AP2B1: variants seen among roughly 807,000 people sequenced by gnomAD.
AP2B1 encodes AP-2 complex subunit beta.
Under a neutral mutation model 102.0 loss-of-function variants are expected in AP2B1, and 23 were observed. The observed-to-expected ratio is 0.23, with a 90% confidence interval of 0.16 to 0.32. AP2B1 has a LOEUF of 0.32. Ranked by LOEUF, AP2B1 falls within the 10% of genes least tolerant of loss-of-function variation. The pLI is 1.00. For synonymous variants in AP2B1, 381 were observed against 421.2 expected (o/e 0.90, Z 1.17); for missense variants, 541 against 1,157.4 (o/e 0.47, Z 7.73).
chr17:35,671,390 GTT>G (rs1320929358), intron 15 of AP2B1, among the ~76,000 whole-genome samples: 42 of 152,286 alleles, frequency 2.8e-4, no homozygotes, highest in African/African-American at 9.6e-4. Flanking sequence ...TGCTGTTTAA[GTT>G]GGATACTTCT....
chr17:35,663,103 A>G (rs1055237359), intron 14 of AP2B1, among the ~76,000 whole-genome samples: 4 of 152,206 alleles, frequency 2.6e-5, no homozygotes, highest in African/African-American at 9.6e-5. Flanking sequence ...TCCATCATCT[A>G]TACTAGTTTT....
chr17:35,627,808 GTTTATC>G, intron 9 of AP2B1, 82 bp downstream of exon 9: 1 of 1,200,238 alleles, frequency 8.3e-7, no homozygotes, highest in Non-Finnish European at 1.2e-6. Flanking sequence ...TAATTTTTAA[GTTTATC>G]AAAATAATAA....
intron 5 of AP2B1, among the ~76,000 whole-genome samples, chr17:35,615,985 T>C (rs1038379347): frequency 5.9e-5 from 9 of 152,158 alleles, no homozygotes; most frequent in African/African-American, 2.2e-4. Context: ...CACCAGTTGG[T>C]CTGAGTGTAT....
rs540065169 is a variant in AP2B1 at position 35,625,834 on chromosome 17, A to G, written c.717-787A>G. The stretch of plus-strand genomic sequence containing the variant: ...CTCACTGAGAAGGTGGCATTCATAT[A>G]AAGACCCAAAGGAAGTCAGGAATAG... On this transcript the variant is annotated intron_variant, in intron 6 of 21. Coordinates refer to ENST00000610402, the MANE Select transcript of AP2B1 (RefSeq NM_001030006.2). Among the ~76,000 whole-genome samples the G allele has an allele frequency of 9.9e-5, 15 of 152,274 alleles. No individual in the cohort carries two copies. In the South Asian group the frequency reaches 2.3e-3, roughly 23 times the overall value.
At chr17:35,621,695 A>G (rs1405682798) in intron 5 of AP2B1, among the ~76,000 whole-genome samples, 1 of 152,206 alleles carries the variant, frequency 6.6e-6, no homozygotes, top group African/African-American at 2.4e-5. Context: ...CATTAGGTGC[A>G]TTATACACTT....
intron 12 of AP2B1, among the ~76,000 whole-genome samples, chr17:35,645,990 A>G (rs758819831): frequency 4.6e-5 from 7 of 152,242 alleles, no homozygotes; most frequent in Non-Finnish European, 1.0e-4. Context: ...TGCTTGTTAA[A>G]AATACTAATT....
At position 35,710,288 on chromosome 17, in the gene AP2B1, A is replaced by G; in HGVS notation, c.2594A>G (p.Gln865Arg). 5.0e-6 allele frequency: 8 copies of G among 1,613,554 alleles called. No individual in the cohort carries two copies. The highest frequency in any genetic ancestry group is 6.8e-6 in the Non-Finnish European group (8 of 1,179,486). The change falls in exon 20 of 22, where the codon CAG becomes CGG. Residue 865 changes from glutamine (Q) to arginine (R), a missense_variant. Physicochemically the swap from Gln to Arg is conservative, Grantham distance 43. This residue lies in a region of AP2B1 where 117 missense variants were observed against 206.7 expected (regional missense o/e 0.57). Coordinates refer to ENST00000610402, the MANE Select transcript of AP2B1 (RefSeq NM_001030006.2). ...WKDIPNENEL[Q>R]FQIKECHLNA... is the part of the protein sequence containing the mutation. ...GATATTCCCAATGAAAATGAACTTC[A>G]GTTTCAGATTAAGGAATGTCATTTA... is the stretch of plus-strand genomic sequence containing the variant.
intron 5 of AP2B1, among the ~76,000 whole-genome samples, chr17:35,623,548 G>A (rs150247159): frequency 1.4e-4 from 22 of 152,222 alleles, no homozygotes; most frequent in Non-Finnish European, 2.9e-4. Flanking sequence ...GGATACATTT[G>A]AAATACTGTA....
chr17:35,657,534 C>T (rs2075260392), intron 13 of AP2B1, 65 bp from the exon 14 acceptor site: 11 of 1,344,568 alleles, frequency 8.2e-6, no homozygotes, highest in South Asian at 6.9e-5. Context: ...ACTGTTGTTG[C>T]GATGTTATGT....
At chr17:35,600,901 G>A (rs545275047) in intron 3 of AP2B1, 2 of 631,750 alleles carry the variant, frequency 3.2e-6, no homozygotes, top group South Asian at 1.4e-4. Flanking sequence ...AGAAATGGCA[G>A]CGTAGGAAAT....
chr17:35,610,246 G>A (rs964407203), intron 5 of AP2B1, among the ~76,000 whole-genome samples: 2 of 151,856 alleles, frequency 1.3e-5, no homozygotes, highest in African/African-American at 4.8e-5. Flanking sequence ...CTGGGTTCAA[G>A]CGATTCTCCT....
intron 5 of AP2B1, among the ~76,000 whole-genome samples, chr17:35,619,164 A>G (rs1339454467): frequency 6.6e-6 from 1 of 152,200 alleles, no homozygotes; most frequent in Non-Finnish European, 1.5e-5. Context: ...TAAGCAAGTC[A>G]CTGAACTTCT....
intron 18 of AP2B1, among the ~76,000 whole-genome samples, chr17:35,697,869 G>C (rs1342677914): frequency 6.6e-6 from 1 of 152,188 alleles, no homozygotes; most frequent in Non-Finnish European, 1.5e-5. Context: ...GGCTGAGGCA[G>C]GAAAATCACA....
chr17:35,650,841 C>T (rs2075068084), intron 13 of AP2B1, 52 bp downstream of exon 13: 1 of 1,573,612 alleles, frequency 6.4e-7, no homozygotes, highest in Non-Finnish European at 8.7e-7. Flanking sequence ...GTTTAGACAG[C>T]GTTGCTCTTC....
At chr17:35,627,251 T>TTG in intron 7 of AP2B1, 134 bp from the exon 8 acceptor site, 1 of 383,278 alleles carries the variant, frequency 2.6e-6, no homozygotes, top group South Asian at 6.3e-5. Flanking sequence ...TATGCTTTTT[T>TTG]TTTTTTTTTT....
intron 14 of AP2B1, among the ~76,000 whole-genome samples, chr17:35,662,679 T>C (rs903540995): frequency 6.6e-6 from 1 of 152,060 alleles, no homozygotes; most frequent in African/African-American, 2.4e-5. Context: ...CTCTTGCATA[T>C]GTGTTATGTG....
At chr17:35,660,464 T>C (rs558714454) in intron 14 of AP2B1, among the ~76,000 whole-genome samples, 3 of 151,496 alleles carry the variant, frequency 2.0e-5, no homozygotes, top group Non-Finnish European at 4.4e-5. Flanking sequence ...CTCAGATACC[T>C]TTTTCTTTTT....
At chr17:35,618,001 A>G (rs2074072696) in intron 5 of AP2B1, among the ~76,000 whole-genome samples, 1 of 149,842 alleles carries the variant, frequency 6.7e-6, no homozygotes, top group Admixed American at 6.6e-5. Context: ...CTATGTAATC[A>G]GACTTTCTTT....
chr17:35,712,671 T>C (rs1555588179), intron 20 of AP2B1, among the ~76,000 whole-genome samples: 1 of 151,694 alleles, frequency 6.6e-6, no homozygotes, highest in African/African-American at 2.4e-5. Flanking sequence ...AAAAAAAGCG[T>C]TTTGTTATCC....
Sources: gnomAD v4.1 joint callset for allele counts (sites outside exome capture counted in the v4.1 genomes callset) on GRCh38, gnomAD v4.1.1 for gene constraint, gnomAD v4.1.1 regional missense constraint, MANE v1.5 for transcripts, NCBI Gene and HGNC (gene_info 2026-07-23, HGNC 2026-07-21) for gene names.